The following ZNF608 variants were observed in gnomAD, a reference collection of about 807,000 sequenced individuals.
The protein encoded by ZNF608 is zinc finger protein 608, also known as renal carcinoma antigen NY-REN-36.
In ZNF608, 12 loss-of-function variants were observed where a neutral mutation model predicts 109.0. The observed-to-expected ratio is 0.11, with a 90% confidence interval of 0.07 to 0.18. ZNF608 has a LOEUF of 0.18. Ranked by LOEUF, ZNF608 falls within the 10% of genes least tolerant of loss-of-function variation. The probability of loss-of-function intolerance (pLI) is 1.00; values close to 1 mark genes in which losing one functional copy is unlikely to be tolerated. For synonymous variants in ZNF608, 732 were observed against 717.4 expected, an observed-to-expected ratio of 1.02 and a Z score of -0.33; for missense variants, 1,707 against 1,879.3, an observed-to-expected ratio of 0.91 and a Z score of 1.70.
chr5:124,654,505 G>T (rs1303701219), intron 3 of ZNF608, among the ~76,000 whole-genome samples: 1 of 152,180 alleles, frequency 6.6e-6, no homozygotes, highest in East Asian at 1.9e-4. Flanking sequence ...GTGAATCCTT[G>T]CCCTAGACAC....
chr5:124,688,705 T>C (rs1195981187), intron 3 of ZNF608, among the ~76,000 whole-genome samples: 2 of 152,380 alleles, frequency 1.3e-5, no homozygotes, highest in Middle Eastern at 3.4e-3. Flanking sequence ...ATATACTATG[T>C]AATCCTATTT....
At chr5:124,640,551 G>A (rs976479828) in intron 8 of ZNF608, among the ~76,000 whole-genome samples, 3 of 152,212 alleles carry the variant, frequency 2.0e-5, no homozygotes, top group Admixed American at 2.0e-4. Context: ...CCAGAACTGT[G>A]AGAAAATAAA....
chr5:124,690,349 G>T (rs1561561822), intron 3 of ZNF608, among the ~76,000 whole-genome samples: 1 of 152,134 alleles, frequency 6.6e-6, no homozygotes, highest in African/African-American at 2.4e-5. Context: ...CACACCATGG[G>T]CAAACCCTAA....
At chr5:124,665,862 A>G (rs1751457530) in intron 3 of ZNF608, among the ~76,000 whole-genome samples, 1 of 152,222 alleles carries the variant, frequency 6.6e-6, no homozygotes, top group African/African-American at 2.4e-5. Flanking sequence ...TCTCCTCCCA[A>G]TAGCCTGCCA....
chr5:124,638,677 T>C, intron 9 of ZNF608: 1 of 226,118 alleles, frequency 4.4e-6, no homozygotes, highest in South Asian at 1.2e-4. Context: ...ATGATATACA[T>C]TGTGAAAAAT....
intron 2 of ZNF608, among the ~76,000 whole-genome samples, chr5:124,731,597 G>T (rs771744045): frequency 1.3e-5 from 2 of 151,912 alleles, no homozygotes; most frequent in Non-Finnish European, 2.9e-5. Flanking sequence ...AGGCTGAGGC[G>T]GGCAGATTAC....
chr5:124,689,600 G>C (rs775358960), intron 3 of ZNF608, among the ~76,000 whole-genome samples: 19 of 152,040 alleles, frequency 1.2e-4, no homozygotes, highest in Non-Finnish European at 2.2e-4. Context: ...TTAACAGTCA[G>C]CTCATCAAAA....
At chr5:124,646,517 A>G (rs1311551800) in intron 5 of ZNF608, among the ~76,000 whole-genome samples, 162 bp downstream of exon 5, 1 of 152,226 alleles carries the variant, frequency 6.6e-6, no homozygotes, top group Admixed American at 6.5e-5. Context: ...TTAGAGCTAC[A>G]TAGTAACTCC....
intron 3 of ZNF608, among the ~76,000 whole-genome samples, chr5:124,677,604 G>A (rs990724663): frequency 6.6e-6 from 1 of 152,138 alleles, no homozygotes; most frequent in Admixed American, 6.5e-5. Context: ...TAGAACAGTG[G>A]CAGGCAGCCA....
intron 3 of ZNF608, among the ~76,000 whole-genome samples, chr5:124,673,978 T>C (rs955372700): frequency 6.6e-6 from 1 of 152,168 alleles, no homozygotes; most frequent in Non-Finnish European, 1.5e-5. Flanking sequence ...GCAAAGCAAG[T>C]TTCTCTGCTC....
intron 8 of ZNF608, among the ~76,000 whole-genome samples, chr5:124,639,668 A>T (rs1336735953): frequency 1.3e-5 from 2 of 152,248 alleles, no homozygotes; most frequent in African/African-American, 4.8e-5. Flanking sequence ...TAAGATACAC[A>T]GAATCAGTAA....
intron 3 of ZNF608, among the ~76,000 whole-genome samples, chr5:124,672,862 C>T (rs550743898): frequency 1.3e-5 from 2 of 152,286 alleles, no homozygotes; most frequent in South Asian, 4.1e-4. Flanking sequence ...ACAACTATGT[C>T]TCCTAAAAAT....
At chr5:124,651,967 C>T (rs1254832352) in intron 3 of ZNF608, among the ~76,000 whole-genome samples, 1 of 152,250 alleles carries the variant, frequency 6.6e-6, no homozygotes, top group Non-Finnish European at 1.5e-5. Context: ...GTGAAAGCTT[C>T]GGTCTGCGTG....
upstream of ZNF608, among the ~76,000 whole-genome samples, chr5:124,747,339 G>T (rs1467079108): frequency 6.6e-6 from 1 of 151,718 alleles, no homozygotes; most frequent in Non-Finnish European, 1.5e-5. Context: ...ATTAGCTGGC[G>T]TTTGGAAGCT....
chr5:124,698,690 G>T (rs1024681886), intron 3 of ZNF608, among the ~76,000 whole-genome samples: 8 of 152,188 alleles, frequency 5.3e-5, no homozygotes, highest in African/African-American at 1.7e-4. Flanking sequence ...AATAACAACA[G>T]TAATAATACC....
intron 2 of ZNF608, among the ~76,000 whole-genome samples, chr5:124,712,716 CAGA>C (rs1561577737): frequency 1.3e-5 from 2 of 152,128 alleles, no homozygotes; most frequent in Admixed American, 1.3e-4. Context: ...CTCCAGCTAC[CAGA>C]AGAACAAAGC....
At chr5:124,735,816 C>T (rs758009037) in intron 2 of ZNF608, among the ~76,000 whole-genome samples, 211 of 152,170 alleles carry the variant, frequency 1.4e-3, no homozygotes, top group Non-Finnish European at 2.4e-3. Context: ...ATGTTGCTCC[C>T]TTTTGGGGGC....
At chr5:124,748,413 TA>T, upstream of ZNF608, 2 of 440,502 alleles carry the variant, frequency 4.5e-6, no homozygotes, top group Non-Finnish European at 6.0e-6. Context: ...GTTGTTGTTC[TA>T]AATGCAAAAG....
chr5:124,691,771 C>A (rs1752639807), intron 3 of ZNF608, among the ~76,000 whole-genome samples: 1 of 151,998 alleles, frequency 6.6e-6, no homozygotes, highest in Non-Finnish European at 1.5e-5. Context: ...TTGGCCAAGG[C>A]AGAAGCAGAG....
Sources: gnomAD v4.1 joint callset for allele counts (sites outside exome capture counted in the v4.1 genomes callset) on GRCh38, gnomAD v4.1.1 for gene constraint, MANE v1.5 for transcripts, NCBI Gene and HGNC (gene_info 2026-07-23, HGNC 2026-07-21) for gene names.